KIAA1671: variants seen among roughly 807,000 people sequenced by gnomAD.
The protein encoded by KIAA1671 is KIAA1671, also known as uncharacterized protein KIAA1671.
KIAA1671 carries 52 observed loss-of-function variants against 131.2 expected under a neutral mutation model. The observed-to-expected ratio is 0.40, with a 90% CI of 0.32 to 0.50. KIAA1671 has a LOEUF of 0.50. Ranked by LOEUF, KIAA1671 falls within the 20% of genes least tolerant of loss-of-function variation. The probability of loss-of-function intolerance (pLI) is 0.73; values close to 1 mark genes in which losing one functional copy is unlikely to be tolerated. For missense variants in KIAA1671, 2,360 were observed against 2,364.2 expected, an observed-to-expected ratio of 1.00 and a Z score of 0.04; for synonymous variants, 1,003 against 961.6, an observed-to-expected ratio of 1.04 and a Z score of -0.80.
chr22:25,080,793 C>T (rs1013054215), intron 6 of KIAA1671, among the ~76,000 whole-genome samples: 6 of 152,234 alleles, frequency 3.9e-5, no homozygotes, highest in Admixed American at 3.9e-4. Flanking sequence ...AGGGTCTTTG[C>T]CATATGTAAA....
At chr22:24,979,696 T>C (rs2123827423) in intron 1 of KIAA1671, among the ~76,000 whole-genome samples, 1 of 152,246 alleles carries the variant, frequency 6.6e-6, no homozygotes, top group East Asian at 1.9e-4. Context: ...TACATTCACA[T>C]TGTTGTGCAA....
intron 6 of KIAA1671, among the ~76,000 whole-genome samples, chr22:25,091,525 T>A (rs2145878578): frequency 6.6e-6 from 1 of 152,308 alleles, no homozygotes; most frequent in South Asian, 2.1e-4. Context: ...TTTGCATTTT[T>A]CCTCTCCAAG....
intron 10 of KIAA1671, among the ~76,000 whole-genome samples, chr22:25,183,816 C>A (rs992361907): frequency 2.0e-5 from 3 of 150,602 alleles, no homozygotes; most frequent in Non-Finnish European, 4.4e-5. Flanking sequence ...GCCACCGCAT[C>A]TGGCCTTCCT....
Position 25,093,842 on chromosome 22 carries a change from C to CTCTCTCTCTCTGTG in KIAA1671, c.4530+44489_4530+44490insGTGTCTCTCTCTCT, listed in dbSNP as rs1930256207. On this transcript the variant is annotated intron_variant, in intron 6 of 12. Coordinates refer to ENST00000358431, the MANE Select transcript of KIAA1671 (RefSeq NM_001145206.2). Reference sequence around the variant, plus strand: ...TCTCTCTTTCTCTCTCTGTCTGTCTCTCTCTCTCTCTCTCTCTCTCTCTCT... The same window carrying CTCTCTCTCTCTGTG: ...TCTCTCTTTCTCTCTCTGTCTGTCTCTCTCTCTCTCTGTGTCTCTCTCTCTCTCTCTCTCTCTCT... Among the ~76,000 whole-genome samples, 22 of 64,064 alleles carry CTCTCTCTCTCTGTG rather than the reference C, an allele frequency of 3.4e-4. 2 individuals carry two copies. The highest frequency in any genetic ancestry group is 7.2e-4 in the Non-Finnish European group (21 of 28,988). 42.0% of individuals were successfully genotyped at this position (64,064 alleles called of 152,430 possible).
At chr22:25,101,986 C>A (rs777826251) in intron 6 of KIAA1671, among the ~76,000 whole-genome samples, 1 of 152,154 alleles carries the variant, frequency 6.6e-6, no homozygotes, top group Admixed American at 6.5e-5. Context: ...GGAGGTGTCT[C>A]AGAGGCGGGA....
At chr22:24,960,776 G>A (rs1921979372) in intron 1 of KIAA1671, among the ~76,000 whole-genome samples, 1 of 151,198 alleles carries the variant, frequency 6.6e-6, no homozygotes, top group Non-Finnish European at 1.5e-5. Context: ...GAACTTTAGG[G>A]AGGAAGGGTG....
At chr22:25,035,691 C>G (rs1299949782) in intron 4 of KIAA1671, among the ~76,000 whole-genome samples, 1 of 152,088 alleles carries the variant, frequency 6.6e-6, no homozygotes, top group Admixed American at 6.6e-5. Flanking sequence ...GCAGCAAGGG[C>G]AAAAAGGCTG....
intron 6 of KIAA1671, among the ~76,000 whole-genome samples, chr22:25,104,957 G>A (rs774099005): frequency 4.6e-5 from 7 of 151,762 alleles, no homozygotes; most frequent in Non-Finnish European, 8.8e-5. Flanking sequence ...AACTGTCCAG[G>A]GAATGTTTGT....
At chr22:25,134,003 C>G (rs1335883856) in intron 6 of KIAA1671, among the ~76,000 whole-genome samples, 3 of 152,198 alleles carry the variant, frequency 2.0e-5, no homozygotes, top group Non-Finnish European at 4.4e-5. Flanking sequence ...TACAGGACCC[C>G]CTTTATTTAG....
rs373437903 is a variant in KIAA1671, at chr22:25,017,416, A to C, written c.-207-8217A>C. Reference sequence around the variant, plus strand: ...AAAAAAAGGGGGTGGTAACTTCTGGATGTTGCCATGGCAATGGTAGACTGA... The same window carrying C: ...AAAAAAAGGGGGTGGTAACTTCTGGCTGTTGCCATGGCAATGGTAGACTGA... On this transcript the variant is annotated intron_variant, in intron 1 of 12. Coordinates refer to ENST00000358431, the MANE Select transcript of KIAA1671 (RefSeq NM_001145206.2). Among the ~76,000 whole-genome samples the C allele has an allele frequency of 1.2e-3, 189 of 152,242 alleles. 3 individuals carry two copies. The East Asian group carries it at 0.028, about 22-fold the overall frequency.
intron 1 of KIAA1671, among the ~76,000 whole-genome samples, chr22:24,958,107 G>T (rs1921816658): frequency 6.6e-6 from 1 of 152,010 alleles, no homozygotes; most frequent in African/African-American, 2.4e-5. Flanking sequence ...GAAAGTGGAA[G>T]AGCTGGGATT....
intron 1 of KIAA1671, among the ~76,000 whole-genome samples, chr22:24,980,928 G>A (rs1424426929): frequency 6.6e-6 from 1 of 151,876 alleles, no homozygotes; most frequent in Admixed American, 6.6e-5. Context: ...TGTATTTTTA[G>A]TAGAGACGGG....
intron 1 of KIAA1671, among the ~76,000 whole-genome samples, chr22:24,974,818 G>T (rs5752032): frequency 0.21 from 32,120 of 149,526 alleles, 4,320 homozygotes; most frequent in East Asian, 0.7. Flanking sequence ...TCAGCCTCCC[G>T]AGTAGCTGGG....
At chr22:25,160,107 T>G (rs934177063) in intron 6 of KIAA1671, among the ~76,000 whole-genome samples, 4 of 152,192 alleles carry the variant, frequency 2.6e-5, no homozygotes, top group African/African-American at 9.6e-5. Flanking sequence ...AGGTTAGCCA[T>G]CAAGCTGCAG....
At chr22:24,988,982 G>T (rs1923696230) in intron 1 of KIAA1671, among the ~76,000 whole-genome samples, 2 of 152,156 alleles carry the variant, frequency 1.3e-5, no homozygotes, top group Admixed American at 1.3e-4. Context: ...GCTGGGATTG[G>T]AATCCAGGTC....
chr22:25,067,259 G>A (rs762137844), intron 6 of KIAA1671, among the ~76,000 whole-genome samples: 1 of 150,988 alleles, frequency 6.6e-6, no homozygotes, highest in Non-Finnish European at 1.5e-5. Flanking sequence ...CCTTGGACTC[G>A]CCGGGTCTTG....
chr22:25,169,178 A>G (rs1189789691), intron 6 of KIAA1671, among the ~76,000 whole-genome samples: 1 of 152,062 alleles, frequency 6.6e-6, no homozygotes, highest in East Asian at 1.9e-4. Context: ...ATGCTTTGAG[A>G]GGCTGAGGCA....
chr22:25,038,829 G>A lies in KIAA1671; in HGVS notation c.1699G>A (p.Asp567Asn), dbSNP rs1168795368. ...CCCCTGGAAGCCTGGGACACTCCGG[G>A]ATAAGTCCAGGCAGACGGAGCAGAA... Reference protein sequence around the residue: ...RSPWKPGTLRDKSRQTEQKVS... With the variant: ...RSPWKPGTLRNKSRQTEQKVS... Residue 567 changes from aspartate (D) to asparagine (N), a missense_variant, in exon 5 of 13, where the codon GAT (aspartate) becomes AAT (asparagine). This residue lies in a region of KIAA1671 where 1,185 missense variants were observed against 1,126.2 expected (regional missense o/e 1.05). Transcript: ENST00000358431. 5.8e-6 allele frequency: 9 copies of A among 1,551,762 alleles called. No individual in the cohort carries two copies. The highest frequency in any genetic ancestry group is 2.4e-5 in the East Asian group (1 of 40,928).
intron 6 of KIAA1671, among the ~76,000 whole-genome samples, chr22:25,100,631 A>C (rs1601313422): frequency 6.6e-6 from 1 of 152,172 alleles, no homozygotes; most frequent in East Asian, 1.9e-4. Context: ...CCATCTGTAC[A>C]ATGGAGATTA....
Sources: gnomAD v4.1 joint callset for allele counts (sites outside exome capture counted in the v4.1 genomes callset) on GRCh38, gnomAD v4.1.1 for gene constraint, gnomAD v4.1.1 regional missense constraint, MANE v1.5 for transcripts, NCBI Gene and HGNC (gene_info 2026-07-23, HGNC 2026-07-21) for gene names.